Variants in ASPH observed in about 807,000 individuals in gnomAD.
The protein encoded by ASPH is aspartyl/asparaginyl beta-hydroxylase.
In ASPH, 100 loss-of-function variants were observed where a neutral mutation model predicts 118.4. That is an observed-to-expected ratio of 0.84 (90% confidence interval 0.72 to 1.00). The LOEUF (loss-of-function observed/expected upper bound fraction) is 1.00. ASPH is among the 50% of genes least tolerant of loss of function. The pLI, the probability that ASPH is intolerant of heterozygous loss-of-function variation, is 0.00. For missense variants in ASPH, 920 were observed against 919.5 expected, an observed-to-expected ratio of 1.00 and a Z score of -0.01; for synonymous variants, 315 against 325.6, an observed-to-expected ratio of 0.97 and a Z score of 0.35.
At chr8:61,588,081 A>G (rs796850526) in intron 14 of ASPH, among the ~76,000 whole-genome samples, 2 of 152,158 alleles carry the variant, frequency 1.3e-5, no homozygotes, top group Non-Finnish European at 2.9e-5. Context: ...GTACACCTAT[A>G]AGGTACTAGA....
At chr8:61,630,812 T>C (rs1033709307) in intron 13 of ASPH, among the ~76,000 whole-genome samples, 2 of 152,056 alleles carry the variant, frequency 1.3e-5, no homozygotes, top group Non-Finnish European at 2.9e-5. Flanking sequence ...TCTTACTTGT[T>C]AAAAAAAAGT....
At position 61,660,879 on chromosome 8, in the gene ASPH, A is replaced by G. The variant is rs554785070; in HGVS notation, c.323-7219T>C. 7 of 152,358 alleles carry G rather than the reference A, an allele frequency of 4.6e-5. No individual in the cohort carries two copies. In the South Asian group the frequency reaches 1.4e-3, roughly 32 times the overall value. The allele number at this position is 152,358 out of a possible 1,614,324, so 9.4% of individuals were successfully genotyped here. On this transcript the variant is annotated intron_variant, in intron 3 of 24. Transcript: ENST00000379454. ...AATTTTTGTGGACCAGAGTAAAAAA[A>G]AAATCTCTGAAGACCATAAAATCTC...
At chr8:61,624,999 A>C in intron 13 of ASPH, 37 of 985,524 alleles carry the variant, frequency 3.8e-5, no homozygotes, top group Non-Finnish European at 4.5e-5. Context: ...AGTGATAAAA[A>C]TATAGAAGTA....
At position 61,709,664 on chromosome 8, in the gene ASPH, C is replaced by A. The variant is rs559794858; in HGVS notation, c.103+4605G>T. On this transcript the variant is annotated intron_variant, in intron 1 of 24. Transcript: ENST00000379454. ...TGAAAAACATTTTTGTACCTTGGTACAGAATGAAGTCAAGCCATTTAGAGG... is the reference window on the plus strand; with the variant it reads ...TGAAAAACATTTTTGTACCTTGGTAAAGAATGAAGTCAAGCCATTTAGAGG... Among the ~76,000 whole-genome samples, 103 of 152,272 alleles carry A rather than the reference C, an allele frequency of 6.8e-4. 1 individual carries two copies. Among genetic ancestry groups the A allele is most frequent in the South Asian group, 2.5e-3 (12 of 4,830 alleles).
chr8:61,661,930 T>G (rs1817115179), intron 3 of ASPH: 5 of 452,440 alleles, frequency 1.1e-5, no homozygotes, highest in Admixed American at 4.0e-5. Flanking sequence ...AAATTACCTA[T>G]AAAATAAAAT....
chr8:61,690,217 T>C (rs1832223778), intron 1 of ASPH, among the ~76,000 whole-genome samples: 2 of 152,208 alleles, frequency 1.3e-5, no homozygotes. Context: ...ACCATTAGAT[T>C]GCTTGAATGA....
intron 3 of ASPH, chr8:61,660,060 T>C (rs1815983133): frequency 6.6e-6 from 1 of 152,006 alleles, no homozygotes; most frequent in Non-Finnish European, 1.5e-5. Context: ...GTATATTGCG[T>C]GATATTGAAA....
chr8:61,664,883 A>G (rs1448422733), intron 3 of ASPH: 1 of 1,003,166 alleles, frequency 1.0e-6, no homozygotes. Flanking sequence ...AGCATACTTG[A>G]AAAAGTTACA....
intron 3 of ASPH, among the ~76,000 whole-genome samples, chr8:61,677,663 A>G (rs1484177798): frequency 6.6e-6 from 1 of 152,178 alleles, no homozygotes; most frequent in Non-Finnish European, 1.5e-5. Context: ...ACAAGCCTAG[A>G]ATGTTTTCAC....
intron 21 of ASPH, among the ~76,000 whole-genome samples, chr8:61,535,925 C>A (rs1819340310): frequency 6.6e-6 from 1 of 152,144 alleles, no homozygotes; most frequent in African/African-American, 2.4e-5. Flanking sequence ...TCTAACAACA[C>A]CGCTAAGGAA....
At chr8:61,559,396 C>T (rs1235546865) in intron 18 of ASPH, among the ~76,000 whole-genome samples, 1 of 152,080 alleles carries the variant, frequency 6.6e-6, no homozygotes, top group Non-Finnish European at 1.5e-5. Context: ...GGTTAGCATC[C>T]CTAACCCCTG....
chr8:61,682,322 T>C (rs576635725), intron 2 of ASPH: 8 of 1,052,700 alleles, frequency 7.6e-6, no homozygotes, highest in Middle Eastern at 2.1e-4. Context: ...AAACCCATAA[T>C]GGGAAATTGG....
intron 12 of ASPH, 75 bp from the exon 13 acceptor site, chr8:61,633,802 G>C: frequency 2.0e-6 from 2 of 995,554 alleles, no homozygotes; most frequent in Non-Finnish European, 3.0e-6. Flanking sequence ...CCAGATTTAA[G>C]TAATGATGAT....
intron 24 of ASPH, among the ~76,000 whole-genome samples, chr8:61,509,845 C>T (rs999837390): frequency 2.0e-4 from 30 of 152,174 alleles, no homozygotes; most frequent in African/African-American, 7.2e-4. Flanking sequence ...CTCCCTTCTC[C>T]AGGGTCCCTC....
chr8:61,644,392 A>T (rs1806796731), intron 7 of ASPH, among the ~76,000 whole-genome samples: 1 of 152,246 alleles, frequency 6.6e-6, no homozygotes. Flanking sequence ...TCCTACTGAA[A>T]ATTTATCCTC....
At chr8:61,577,456 G>A (rs1835714224) in intron 15 of ASPH, among the ~76,000 whole-genome samples, 1 of 143,904 alleles carries the variant, frequency 6.9e-6, no homozygotes, top group African/African-American at 2.6e-5. Flanking sequence ...GTAATATGTG[G>A]TTTTGCTAAA....
intron 1 of ASPH, among the ~76,000 whole-genome samples, chr8:61,713,688 AT>A (rs1187261599): frequency 6.6e-6 from 1 of 152,200 alleles, no homozygotes. Flanking sequence ...TCAGTATTTC[AT>A]GACATTCTAT....
chr8:61,560,820 C>A (rs1170615972), intron 18 of ASPH, among the ~76,000 whole-genome samples: 3 of 151,890 alleles, frequency 2.0e-5, no homozygotes, highest in Non-Finnish European at 4.4e-5. Flanking sequence ...TGAGGAAGGA[C>A]AAATCCACAG....
chr8:61,576,593 A>G, intron 16 of ASPH, 179 bp downstream of exon 16: 2 of 510,390 alleles, frequency 3.9e-6, no homozygotes, highest in Non-Finnish European at 6.8e-6. Flanking sequence ...AGCAGAAAAA[A>G]ATGTTACTAA....
Sources: gnomAD v4.1 joint callset for allele counts (sites outside exome capture counted in the v4.1 genomes callset) on GRCh38, gnomAD v4.1.1 for gene constraint, MANE v1.5 for transcripts, NCBI Gene and HGNC (gene_info 2026-07-23, HGNC 2026-07-21) for gene names.